The following ROBO1 variants were observed in gnomAD, a reference collection of about 807,000 sequenced individuals.
ROBO1 encodes the protein roundabout guidance receptor 1.
A neutral mutation model predicts 195.9 loss-of-function variants in ROBO1; 149 were observed. The observed-to-expected ratio is 0.76, with a 90% CI of 0.67 to 0.87. The LOEUF is 0.87. Among genes scored for constraint, ROBO1 ranks in the 40% least tolerant of loss-of-function variants. The pLI is 0.00. For synonymous variants in ROBO1, 816 were observed against 733.2 expected (o/e 1.11, Z -1.82); for missense variants, 1,933 against 2,068.3 (o/e 0.93, Z 1.27).
intron 3 of ROBO1, among the ~76,000 whole-genome samples, chr3:79,012,243 C>T (rs1475099872): frequency 6.6e-6 from 1 of 152,180 alleles, no homozygotes. Flanking sequence ...CCGACTATTT[C>T]CTATATGCTG....
intron 4 of ROBO1, among the ~76,000 whole-genome samples, chr3:78,800,594 T>A (rs993421462): frequency 1.3e-5 from 2 of 152,142 alleles, no homozygotes; most frequent in Non-Finnish European, 2.9e-5. Flanking sequence ...TCTCACCGTG[T>A]CGCCCAGGAT....
chr3:79,296,581 G>C (rs2032609601), intron 2 of ROBO1, among the ~76,000 whole-genome samples: 1 of 152,068 alleles, frequency 6.6e-6, no homozygotes, highest in African/African-American at 2.4e-5. Context: ...GGGATGTGTA[G>C]GAAGCAAAAC....
chr3:79,128,712 C>T (rs761140546), intron 2 of ROBO1, among the ~76,000 whole-genome samples: 6 of 152,122 alleles, frequency 3.9e-5, no homozygotes, highest in Non-Finnish European at 8.8e-5. Flanking sequence ...TAACAATCTT[C>T]GATGAGACGT....
chr3:79,294,088 GA>G (rs2032436729), intron 2 of ROBO1, among the ~76,000 whole-genome samples: 1 of 112,020 alleles, frequency 8.9e-6, no homozygotes, highest in Non-Finnish European at 1.9e-5. Flanking sequence ...AAAAAAGAAA[GA>G]AAAAACTACT....
At chr3:78,819,457 A>C (rs1433491535) in intron 4 of ROBO1, among the ~76,000 whole-genome samples, 1 of 151,604 alleles carries the variant, frequency 6.6e-6, no homozygotes, top group African/African-American at 2.4e-5. Flanking sequence ...AAAAAAAAAA[A>C]ACAAAACCTT....
chr3:78,759,149 G>A (rs1029539062), intron 4 of ROBO1: 2 of 153,060 alleles, frequency 1.3e-5, no homozygotes, highest in African/African-American at 4.8e-5. Flanking sequence ...CAAATGTGAT[G>A]AGCCTATACG....
rs147226378 is a variant in ROBO1, at chr3:79,676,066, G to T, written c.-50-86105C>A. Among the ~76,000 whole-genome samples, 7 of 151,990 alleles carry T rather than the reference G, an allele frequency of 4.6e-5. No individual in the cohort carries two copies. In the East Asian group the frequency reaches 1.4e-3, roughly 30 times the overall value. The stretch of plus-strand genomic sequence containing the variant: ...TGAATCTATTTTGTTGTTGTTGATG[G>T]TGGTGGTGGTGGTTTTACGGAGCCT... On this transcript the variant is annotated intron_variant, in intron 1 of 30. Coordinates refer to ENST00000464233, the MANE Select transcript of ROBO1 (RefSeq NM_002941.4).
At chr3:79,358,298 C>T (rs1261477805) in intron 2 of ROBO1, among the ~76,000 whole-genome samples, 1 of 151,964 alleles carries the variant, frequency 6.6e-6, no homozygotes, top group African/African-American at 2.4e-5. Context: ...CATATTGACA[C>T]AGGGAAATGC....
chr3:78,746,898 G>A lies in ROBO1; in HGVS notation c.502C>T (p.Leu168Phe). Residue 168 changes from leucine (L) to phenylalanine (F), a missense_variant and splice_region_variant, in exon 5 of 31, where the codon CTT (leucine) becomes TTT (phenylalanine). Physicochemically the swap from Leu to Phe is conservative, Grantham distance 22. This residue lies in a region of ROBO1 where 1,737 missense variants were observed against 1,882.5 expected (regional missense o/e 0.92). Transcript: ENST00000464233. Reference sequence around the variant, plus strand: ...GGGTTTTGTCTGAAGTCATCCCGAAGTACTGTAGGAACAAGATTAAATCAT... The same window carrying A: ...GGGTTTTGTCTGAAGTCATCCCGAAATACTGTAGGAACAAGATTAAATCAT... ...SHNASLEVAILRDDFRQNPSD... is the reference protein window; with the variant it reads ...SHNASLEVAIFRDDFRQNPSD... 2 of 1,553,026 alleles carry A rather than the reference G, an allele frequency of 1.3e-6. No individual in the cohort carries two copies. Among genetic ancestry groups the A allele is most frequent in the East Asian group, 2.3e-5 (1 of 43,754 alleles).
At chr3:79,108,947 C>A (rs2108527850) in intron 3 of ROBO1, among the ~76,000 whole-genome samples, 1 of 151,822 alleles carries the variant, frequency 6.6e-6, no homozygotes, top group South Asian at 2.1e-4. Flanking sequence ...AAGCATAAAT[C>A]AAATAATAAG....
chr3:78,717,210 A>G (rs2081923326), intron 7 of ROBO1, 65 bp downstream of exon 7: 1 of 1,475,034 alleles, frequency 6.8e-7, no homozygotes, highest in East Asian at 2.4e-5. Flanking sequence ...GGATGTGGAG[A>G]TGATGTGATG....
intron 2 of ROBO1, among the ~76,000 whole-genome samples, chr3:79,378,063 T>C (rs2036445451): frequency 6.6e-6 from 1 of 152,004 alleles, no homozygotes; most frequent in Non-Finnish European, 1.5e-5. Flanking sequence ...CCAATATATA[T>C]ATACTCAATA....
At chr3:79,122,314 T>C (rs757636382) in intron 3 of ROBO1, among the ~76,000 whole-genome samples, 1 of 152,072 alleles carries the variant, frequency 6.6e-6, no homozygotes, top group East Asian at 1.9e-4. Context: ...TTTAATAACA[T>C]ACCACAGTGC....
chr3:78,888,432 G>A (rs1576349789), intron 4 of ROBO1, among the ~76,000 whole-genome samples: 1 of 152,288 alleles, frequency 6.6e-6, no homozygotes, highest in Non-Finnish European at 1.5e-5. Context: ...CTAGTCTTCT[G>A]TGGTTAGAGA....
At chr3:78,668,364 A>G (rs895854291) in intron 12 of ROBO1, 62 bp from the exon 13 acceptor site, 4 of 1,598,614 alleles carry the variant, frequency 2.5e-6, no homozygotes, top group African/African-American at 1.3e-5. Context: ...AAGCGGATAA[A>G]TGCAGATAAC....
chr3:79,042,581 T>C (rs865822815), intron 3 of ROBO1, among the ~76,000 whole-genome samples: 3 of 152,284 alleles, frequency 2.0e-5, no homozygotes, highest in South Asian at 2.1e-4. Flanking sequence ...GTTCTGAATC[T>C]AACAGATGAT....
At chr3:78,962,894 C>T (rs1158372802) in intron 3 of ROBO1, among the ~76,000 whole-genome samples, 1 of 147,550 alleles carries the variant, frequency 6.8e-6, no homozygotes, top group Non-Finnish European at 1.5e-5. Context: ...CAGTACAAGA[C>T]GAGTGAAGTA....
chr3:79,526,936 C>G (rs540918198), intron 2 of ROBO1, among the ~76,000 whole-genome samples: 1 of 152,130 alleles, frequency 6.6e-6, no homozygotes, highest in South Asian at 2.1e-4. Context: ...AAATTTGAAG[C>G]CATTTAGTAA....
At chr3:79,343,631 T>G (rs371780018) in intron 2 of ROBO1, among the ~76,000 whole-genome samples, 1 of 152,138 alleles carries the variant, frequency 6.6e-6, no homozygotes, top group African/African-American at 2.4e-5. Flanking sequence ...ACCGCACTAC[T>G]GATGACAGCT....
Sources: gnomAD v4.1 joint callset for allele counts (sites outside exome capture counted in the v4.1 genomes callset) on GRCh38, gnomAD v4.1.1 for gene constraint, gnomAD v4.1.1 regional missense constraint, MANE v1.5 for transcripts, NCBI Gene and HGNC (gene_info 2026-07-23, HGNC 2026-07-21) for gene names.